WDR17: variants seen among roughly 807,000 people sequenced by gnomAD.
The protein encoded by WDR17 is WD repeat-containing protein 17.
In WDR17, 143 loss-of-function variants were observed where a neutral mutation model predicts 161.7. That is an observed-to-expected ratio of 0.88 (90% CI 0.77 to 1.02). WDR17 has a LOEUF of 1.02. Among genes scored for constraint, WDR17 ranks in the 50% least tolerant of loss-of-function variants. The pLI is 0.00. For synonymous variants in WDR17, 517 were observed against 515.6 expected (o/e 1.00, Z -0.04); for missense variants, 1,469 against 1,520.9 (o/e 0.97, Z 0.57).
At position 176,114,536 on chromosome 4, in the gene WDR17, G is replaced by T. The variant is rs1740283515; in HGVS notation, c.124-1260G>T. On this transcript the variant is annotated intron_variant, in intron 2 of 28. Coordinates refer to ENST00000508596, the MANE Select transcript of WDR17 (RefSeq NM_181265.4). ...AGTGTTTATTCTTTCAATATTAACT[G>T]AATCTCTTCAATTGACCAAGCCTTA... Among the ~76,000 whole-genome samples, 5 of 152,136 alleles carry T rather than the reference G, an allele frequency of 3.3e-5. 1 individual carries two copies. The South Asian group carries it at 1.0e-3, about 32-fold the overall frequency.
chr4:176,162,178 C>T lies in WDR17; in HGVS notation c.2850+4C>T, dbSNP rs113112824. The T allele has an allele frequency of 1.1e-5, 18 of 1,609,806 alleles. No individual in the cohort carries two copies. The highest frequency in any genetic ancestry group is 4.5e-5 in the East Asian group (2 of 44,756). The stretch of plus-strand genomic sequence containing the variant: ...TCTTGCCATAGATAATATTGAGGTA[C>T]GACATTTAAAACTGGTTTATGTGAA... On this transcript the variant is annotated splice_donor_region_variant and intron_variant, in intron 21 of 28. Coordinates refer to ENST00000508596, the MANE Select transcript of WDR17 (RefSeq NM_181265.4).
At chr4:176,159,694 T>C (rs1316950376) in intron 18 of WDR17, among the ~76,000 whole-genome samples, 1 of 152,204 alleles carries the variant, frequency 6.6e-6, no homozygotes, top group African/African-American at 2.4e-5. Context: ...ATAAAACATA[T>C]TTTTGAATAA....
Position 176,074,385 on chromosome 4 carries a change from C to T in WDR17, c.-7+8306C>T, listed in dbSNP as rs563546122. The stretch of plus-strand genomic sequence containing the variant: ...TATCTTGAGAGATATATATAAAACT[C>T]AAGATAATTGTGATATATACTACAC... On this transcript the variant is annotated intron_variant, in intron 1 of 28. Transcript: ENST00000508596. 4.5e-3 allele frequency among the ~76,000 whole-genome samples: 683 copies of T among 150,938 alleles called. 3 individuals are homozygous for T. Among genetic ancestry groups the T allele is most frequent in the African/African-American group, 0.016 (640 of 41,110 alleles).
At chr4:176,080,250 A>T (rs1734568409) in intron 1 of WDR17, among the ~76,000 whole-genome samples, 1 of 151,854 alleles carries the variant, frequency 6.6e-6, no homozygotes, top group African/African-American at 2.4e-5. Flanking sequence ...CCATGTGGGG[A>T]TGTTAAGCAG....
At chr4:176,134,268 G>C (rs1192456848) in intron 7 of WDR17, among the ~76,000 whole-genome samples, 1 of 151,706 alleles carries the variant, frequency 6.6e-6, no homozygotes, top group Non-Finnish European at 1.5e-5. Flanking sequence ...TTGAGGACTA[G>C]AAAACCCTGT....
At chr4:176,105,219 A>C (rs1280871231) in intron 1 of WDR17, among the ~76,000 whole-genome samples, 1 of 152,050 alleles carries the variant, frequency 6.6e-6, no homozygotes, top group African/African-American at 2.4e-5. Context: ...ACACCATCAA[A>C]ATATATGAAG....
chr4:176,114,984 A>G (rs1740369363), intron 2 of WDR17, among the ~76,000 whole-genome samples: 2 of 151,966 alleles, frequency 1.3e-5, no homozygotes, highest in Non-Finnish European at 2.9e-5. Context: ...CTTTGGCAAG[A>G]TAGCAGAGAT....
chr4:176,174,680 G>A lies in WDR17; in HGVS notation c.3411G>A (p.Gln1137=), dbSNP rs751327870. 6.2e-7 allele frequency: 1 copy of A among 1,611,992 alleles called. No individual in the cohort carries two copies. The change falls in exon 26 of 29, where the codon CAG becomes CAA. Residue 1137 remains glutamine (Q), a synonymous_variant. Transcript: ENST00000508596. ...YIGALLAIRR[Q]YQSIVPALYE... ...GTGCATTACTGGCTATCAGAAGACA[G>A]TACCAAAGCATTGTTCCAGCACTTT...
intron 12 of WDR17, among the ~76,000 whole-genome samples, 166 bp from the exon 13 acceptor site, chr4:176,147,967 T>C (rs915644929): frequency 6.6e-6 from 1 of 152,174 alleles, no homozygotes; most frequent in Non-Finnish European, 1.5e-5. Flanking sequence ...CATAAATATA[T>C]ACAATTATTA....
intron 26 of WDR17, among the ~76,000 whole-genome samples, chr4:176,175,630 C>T (rs1049085767): frequency 3.3e-5 from 5 of 152,146 alleles, no homozygotes; most frequent in Admixed American, 3.3e-4. Context: ...CAATCTCAGC[C>T]CACTGCAACC....
chr4:176,172,554 C>T (rs746988086), intron 24 of WDR17, 38 bp downstream of exon 24: 3 of 1,488,942 alleles, frequency 2.0e-6, no homozygotes, highest in Non-Finnish European at 2.7e-6. Flanking sequence ...TAAATATACT[C>T]ATTTATTTGA....
chr4:176,086,360 C>T (rs1292916419), intron 1 of WDR17, among the ~76,000 whole-genome samples: 1 of 151,966 alleles, frequency 6.6e-6, no homozygotes, highest in African/African-American at 2.4e-5. Flanking sequence ...ATTCTATCAG[C>T]TATTGAGATT....
chr4:176,163,640 A>AGATCTTGT (rs1291913976), intron 22 of WDR17, among the ~76,000 whole-genome samples: 2 of 152,200 alleles, frequency 1.3e-5, no homozygotes, highest in African/African-American at 4.8e-5. Flanking sequence ...TTTTCTTGTC[A>AGATCTTGT]GATCTTGTGT....
chr4:176,112,368 G>A (rs1277528302), intron 2 of WDR17, among the ~76,000 whole-genome samples: 1 of 152,022 alleles, frequency 6.6e-6, no homozygotes, highest in Admixed American at 6.5e-5. Flanking sequence ...CTAATTTATT[G>A]TTCAGTGTAA....
At chr4:176,137,400 T>TA (rs1425992216) in intron 8 of WDR17, 120 bp from the exon 9 acceptor site, 2 of 694,934 alleles carry the variant, frequency 2.9e-6, no homozygotes, top group African/African-American at 1.8e-5. Context: ...ATTTCAATTA[T>TA]AAAAAATTAA....
At chr4:176,123,766 A>G (rs963110389) in intron 4 of WDR17, among the ~76,000 whole-genome samples, 2 of 152,154 alleles carry the variant, frequency 1.3e-5, no homozygotes, top group African/African-American at 2.4e-5. Context: ...GCTTTATTAT[A>G]TAGGCATATT....
intron 18 of WDR17, among the ~76,000 whole-genome samples, chr4:176,159,312 T>TGG (rs1748669546): frequency 9.0e-6 from 1 of 111,324 alleles, no homozygotes; most frequent in Non-Finnish European, 1.8e-5. Flanking sequence ...CACACACAGA[T>TGG]GGAGAGAGAG....
At chr4:176,148,060 T>G in intron 12 of WDR17, 73 bp from the exon 13 acceptor site, 3 of 1,307,850 alleles carry the variant, frequency 2.3e-6, no homozygotes, top group Non-Finnish European at 3.2e-6. Flanking sequence ...TATTATACTC[T>G]ATTAAGAATA....
At chr4:176,178,842 T>C (rs571693414) in intron 28 of WDR17, among the ~76,000 whole-genome samples, 1 of 152,386 alleles carries the variant, frequency 6.6e-6, no homozygotes, top group South Asian at 2.1e-4. Flanking sequence ...TTTGAAATTA[T>C]GCTTTTCCTT....
Sources: gnomAD v4.1 joint callset for allele counts (sites outside exome capture counted in the v4.1 genomes callset) on GRCh38, gnomAD v4.1.1 for gene constraint, MANE v1.5 for transcripts, NCBI Gene and HGNC (gene_info 2026-07-23, HGNC 2026-07-21) for gene names.